LRP1B: variants seen among roughly 807,000 people sequenced by gnomAD.
The protein encoded by LRP1B is LDL receptor related protein 1B.
Under a neutral mutation model 556.6 loss-of-function variants are expected in LRP1B, and 217 were observed. The observed-to-expected ratio is 0.39, with a 90% confidence interval of 0.35 to 0.44. LRP1B has a LOEUF of 0.44. Ranked by LOEUF, LRP1B falls within the 20% of genes least tolerant of loss-of-function variation. LRP1B has a pLI of 1.00. For synonymous variants in LRP1B, 2,047 were observed against 1,865.8 expected, an observed-to-expected ratio of 1.10 and a Z score of -2.50; for missense variants, 5,053 against 5,620.8, an observed-to-expected ratio of 0.90 and a Z score of 3.23.
At chr2:140,787,845 G>A (rs573975261) in intron 32 of LRP1B, among the ~76,000 whole-genome samples, 11 of 151,942 alleles carry the variant, frequency 7.2e-5, no homozygotes, top group Non-Finnish European at 1.2e-4. Flanking sequence ...AAAAAGCTGC[G>A]ATTACAGGTG....
intron 72 of LRP1B, among the ~76,000 whole-genome samples, chr2:140,360,885 T>G (rs928515476): frequency 1.3e-5 from 2 of 151,566 alleles, no homozygotes; most frequent in Non-Finnish European, 3.0e-5. Flanking sequence ...ATAAATTTGC[T>G]GTTTCCTATA....
At chr2:140,721,440 T>C (rs530642831) in intron 35 of LRP1B, among the ~76,000 whole-genome samples, 1 of 151,844 alleles carries the variant, frequency 6.6e-6, no homozygotes, top group Non-Finnish European at 1.5e-5. Flanking sequence ...TGTTATACAA[T>C]GAAACTTTGT....
intron 7 of LRP1B, among the ~76,000 whole-genome samples, chr2:141,109,246 C>A (rs1253879581): frequency 6.6e-6 from 1 of 152,066 alleles, no homozygotes; most frequent in Admixed American, 6.5e-5. Flanking sequence ...AAAATTCAAG[C>A]CTCCAAATTT....
intron 2 of LRP1B, among the ~76,000 whole-genome samples, chr2:141,527,444 C>T (rs6429904): frequency 0.91 from 138,976 of 152,038 alleles, 64,809 homozygotes; most frequent in East Asian, 1. Flanking sequence ...CTAGTCACAA[C>T]CAGGGAGGAA....
intron 2 of LRP1B, among the ~76,000 whole-genome samples, chr2:141,719,613 AATAG>A (rs1466872887): frequency 7.2e-5 from 11 of 152,100 alleles, no homozygotes; most frequent in African/African-American, 2.7e-4. Flanking sequence ...ACTAGACATA[AATAG>A]ATAGAATGTA....
In LRP1B at chr2:142,109,072, C is replaced by A. The variant is rs1336944050; in HGVS notation, c.82+21576G>T. ...CACAGGAATTATGCTTATCCAAGAA[C>A]TTTTCTAGTGAGCCTAAAGTGGTGT... On this transcript the variant is annotated intron_variant, in intron 1 of 90. Coordinates refer to ENST00000389484, the MANE Select transcript of LRP1B (RefSeq NM_018557.3). 2.6e-5 allele frequency among the ~76,000 whole-genome samples: 4 copies of A among 152,266 alleles called. No individual in the cohort carries two copies. The South Asian group carries it at 8.3e-4, about 32-fold the overall frequency.
intron 76 of LRP1B, 104 bp downstream of exon 76, chr2:140,352,849 A>T (rs1336014379): frequency 1.8e-6 from 2 of 1,116,470 alleles, no homozygotes; most frequent in East Asian, 4.9e-5. Flanking sequence ...AAAGTATTTT[A>T]TCAGAAATGA....
chr2:140,344,887 CTGAG>C (rs1277978574), intron 77 of LRP1B, among the ~76,000 whole-genome samples: 2 of 151,464 alleles, frequency 1.3e-5, no homozygotes, highest in East Asian at 2.0e-4. Context: ...GCAAAAGAGA[CTGAG>C]TAAGTGAGGG....
At chr2:141,477,479 G>A (rs1041997673) in intron 3 of LRP1B, among the ~76,000 whole-genome samples, 4 of 152,128 alleles carry the variant, frequency 2.6e-5, no homozygotes, top group Non-Finnish European at 5.9e-5. Flanking sequence ...TTAGGAGGAA[G>A]GCTGAGGGTG....
intron 1 of LRP1B, among the ~76,000 whole-genome samples, chr2:142,122,016 T>A (rs1707473518): frequency 6.6e-6 from 1 of 152,164 alleles, no homozygotes; most frequent in African/African-American, 2.4e-5. Context: ...ATTTATGTAA[T>A]GCAATACATG....
chr2:141,074,585 CTCTCTA>C (rs1387260341), intron 7 of LRP1B, among the ~76,000 whole-genome samples: 3 of 94,386 alleles, frequency 3.2e-5, no homozygotes, highest in African/African-American at 1.1e-4. Context: ...CTCTCTCTCT[CTCTCTA>C]TATATATATA....
At chr2:140,805,173 C>T (rs1208612229) in intron 32 of LRP1B, among the ~76,000 whole-genome samples, 3 of 152,032 alleles carry the variant, frequency 2.0e-5, no homozygotes, top group Non-Finnish European at 4.4e-5. Flanking sequence ...TGACTGATCC[C>T]CATAGTAGCC....
chr2:140,838,293 A>G (rs974824109), intron 31 of LRP1B, among the ~76,000 whole-genome samples: 1 of 152,186 alleles, frequency 6.6e-6, no homozygotes, highest in African/African-American at 2.4e-5. Context: ...GTTCAAATTA[A>G]GTCCTTTGTA....
chr2:142,065,485 CT>C (rs1406654623), intron 1 of LRP1B, among the ~76,000 whole-genome samples: 1 of 151,232 alleles, frequency 6.6e-6, no homozygotes, highest in Middle Eastern at 3.4e-3. Flanking sequence ...TGTTCTGCCC[CT>C]ATCTTCACTT....
intron 2 of LRP1B, among the ~76,000 whole-genome samples, chr2:141,804,885 G>T (rs1696121492): frequency 6.6e-6 from 1 of 152,064 alleles, no homozygotes; most frequent in Non-Finnish European, 1.5e-5. Context: ...CTGAGCCTTG[G>T]AGCCAAGCAG....
chr2:140,653,807 C>A (rs1684772954), intron 41 of LRP1B, among the ~76,000 whole-genome samples: 1 of 151,496 alleles, frequency 6.6e-6, no homozygotes, highest in Non-Finnish European at 1.5e-5. Context: ...GGTGGATCAC[C>A]TGAGGTCAGA....
Position 140,357,890 on chromosome 2 carries a change from A to G in LRP1B, c.11395+89T>C, listed in dbSNP as rs1378564931. 37 of 1,446,120 alleles carry G rather than the reference A, an allele frequency of 2.6e-5. No individual in the cohort carries two copies. In the Admixed American group the frequency reaches 6.5e-4, roughly 26 times the overall value. 89.6% of individuals were successfully genotyped at this position (1,446,120 alleles called of 1,614,324 possible). A position where few individuals can be genotyped will look rare whatever the true frequency, so the allele number is the denominator to read the frequency against. On this transcript the variant is annotated intron_variant, in intron 74 of 90. Transcript: ENST00000389484. ...ATCAGTCAAGCATACTTTGAAGAGC[A>G]ATATTTCCATCCAGAACATTTTAGT...
chr2:140,401,440 G>T (rs932192212), intron 66 of LRP1B, among the ~76,000 whole-genome samples: 2 of 152,122 alleles, frequency 1.3e-5, no homozygotes, highest in African/African-American at 2.4e-5. Context: ...CAAGTCAGTT[G>T]TGCTCTCCAC....
At chr2:140,622,166 A>T (rs571709980) in intron 41 of LRP1B, among the ~76,000 whole-genome samples, 2 of 152,316 alleles carry the variant, frequency 1.3e-5, no homozygotes, top group East Asian at 3.9e-4. Flanking sequence ...ATTGCACAAC[A>T]AACTTTTTGT....
Sources: allele counts gnomAD v4.1 joint callset (sites outside exome capture counted in the v4.1 genomes callset), GRCh38; gene constraint gnomAD v4.1.1; transcripts MANE v1.5; gene names NCBI Gene and HGNC (gene_info 2026-07-23, HGNC 2026-07-21).